Variants in DOCK3 observed in about 807,000 individuals in gnomAD.
The protein encoded by DOCK3 is dedicator of cytokinesis protein 3.
Under a neutral mutation model 265.6 loss-of-function variants are expected in DOCK3, and 60 were observed. That is an observed-to-expected ratio of 0.23 (90% CI 0.18 to 0.28). DOCK3 has a LOEUF of 0.28. Among genes scored for constraint, DOCK3 ranks in the 10% least tolerant of loss-of-function variants. The pLI, the probability that DOCK3 is intolerant of heterozygous loss-of-function variation, is 1.00. For synonymous variants in DOCK3, 881 were observed against 938.0 expected, an observed-to-expected ratio of 0.94 and a Z score of 1.11; for missense variants, 1,981 against 2,594.3, an observed-to-expected ratio of 0.76 and a Z score of 5.14.
chr3:51,322,189 CTTTTGTTTTTGT>C (rs762396054), intron 32 of DOCK3, among the ~76,000 whole-genome samples: 2 of 151,958 alleles, frequency 1.3e-5, no homozygotes, highest in Non-Finnish European at 2.9e-5. Context: ...ATTCAACATT[CTTTTGTTTTTGT>C]TTTTGTTTTT....
At chr3:51,287,611 T>A (rs2081479303) in intron 27 of DOCK3, among the ~76,000 whole-genome samples, 1 of 151,990 alleles carries the variant, frequency 6.6e-6, no homozygotes, top group Non-Finnish European at 1.5e-5. Flanking sequence ...AAAATTAAAA[T>A]TAAAAAATTA....
At chr3:50,684,501 C>A (rs985634238) in intron 1 of DOCK3, among the ~76,000 whole-genome samples, 5 of 152,148 alleles carry the variant, frequency 3.3e-5, no homozygotes, top group Non-Finnish European at 7.4e-5. Flanking sequence ...CTTTCTTGAG[C>A]CTGTTAGAGA....
chr3:51,338,852 C>A, intron 36 of DOCK3, 83 bp from the exon 37 acceptor site: 1 of 1,207,666 alleles, frequency 8.3e-7, no homozygotes, highest in Non-Finnish European at 1.2e-6. Context: ...CTGCCCAGCA[C>A]ACCCACGGCT....
chr3:51,277,466 G>C, intron 25 of DOCK3, 142 bp from the exon 26 acceptor site: 1 of 1,130,872 alleles, frequency 8.8e-7, no homozygotes, highest in Non-Finnish European at 1.2e-6. Context: ...TGGGTGCCTT[G>C]ACACTGCATG....
At chr3:51,181,528 A>G (rs1269863852) in intron 12 of DOCK3, among the ~76,000 whole-genome samples, 1 of 152,116 alleles carries the variant, frequency 6.6e-6, no homozygotes, top group African/African-American at 2.4e-5. Flanking sequence ...TGAAATTTTT[A>G]TAAATAAAAA....
intron 2 of DOCK3, among the ~76,000 whole-genome samples, chr3:50,836,002 A>G (rs1300412212): frequency 1.3e-5 from 2 of 152,290 alleles, no homozygotes; most frequent in African/African-American, 4.8e-5. Flanking sequence ...CTAAAAATAT[A>G]TTTCCTACCA....
intron 19 of DOCK3, among the ~76,000 whole-genome samples, chr3:51,229,992 CCTGA>C (rs1327333578): frequency 6.6e-6 from 1 of 152,158 alleles, no homozygotes; most frequent in Non-Finnish European, 1.5e-5. Context: ...TCTTTCTGTG[CCTGA>C]CTTATTTCAC....
At chr3:51,179,632 A>G (rs2087163875) in intron 12 of DOCK3, among the ~76,000 whole-genome samples, 1 of 152,206 alleles carries the variant, frequency 6.6e-6, no homozygotes, top group South Asian at 2.1e-4. Flanking sequence ...AGTGTGGATA[A>G]AAGTGCCACC....
intron 5 of DOCK3, among the ~76,000 whole-genome samples, chr3:51,009,673 T>G (rs900328355): frequency 8.5e-5 from 13 of 152,210 alleles, no homozygotes; most frequent in African/African-American, 2.9e-4. Flanking sequence ...TTGAATGTGT[T>G]TGCTCTTTTT....
Position 51,360,577 on chromosome 3 carries a change from C to T in DOCK3, c.4951C>T (p.Leu1651=), listed in dbSNP as rs371086620. Residue 1651 remains leucine (L), a synonymous_variant, in exon 47 of 53, where the codon CTG becomes TTG. Coordinates refer to ENST00000266037, the MANE Select transcript of DOCK3 (RefSeq NM_004947.5). ...SGTSTPRGNV[L]ASHSPMSPES... ...CACCAGCACCCCACGGGGAAATGTT[C>T]TGGCATCCCATAGCCCCATGAGTCC... 42 of 1,613,644 alleles carry T rather than the reference C, an allele frequency of 2.6e-5. No homozygotes were observed. Among genetic ancestry groups the T allele is most frequent in the Non-Finnish European group, 3.5e-5 (41 of 1,179,810 alleles).
chr3:50,945,731 G>A (rs1037925030), intron 5 of DOCK3, among the ~76,000 whole-genome samples: 2 of 152,036 alleles, frequency 1.3e-5, no homozygotes, highest in African/African-American at 4.8e-5. Flanking sequence ...ATACATTTTT[G>A]CACCTTTATA....
chr3:50,931,459 G>A (rs1165316992), intron 4 of DOCK3, among the ~76,000 whole-genome samples: 2 of 152,268 alleles, frequency 1.3e-5, no homozygotes, highest in African/African-American at 2.4e-5. Flanking sequence ...TATCTCTGCA[G>A]CATTCTTAAG....
rs1222402293 is a variant in DOCK3 at position 51,361,056 on chromosome 3, G to A, written c.5006+424G>A. On this transcript the variant is annotated intron_variant, in intron 47 of 52. Transcript: ENST00000266037. The surrounding 1 kb of genome is among the most constrained non-coding windows in gnomAD (Gnocchi z 4.2). ...AAGGGGATAGGATCAGCTCTGAGTG[G>A]GCCTTGTTCATGCAGGCCTTTGGAC... Among the ~76,000 whole-genome samples the A allele has an allele frequency of 6.6e-6, 1 of 152,114 alleles. No homozygotes were observed. The highest frequency in any genetic ancestry group is 1.9e-4 in the East Asian group (1 of 5,178).
intron 5 of DOCK3, among the ~76,000 whole-genome samples, chr3:50,939,659 A>T (rs2051588265): frequency 1.3e-5 from 2 of 152,176 alleles, no homozygotes. Context: ...TCAGGAAAGT[A>T]TTTTAGAAAA....
intron 11 of DOCK3, 50 bp from the exon 12 acceptor site, chr3:51,160,505 A>G: frequency 6.4e-7 from 1 of 1,554,954 alleles, no homozygotes; most frequent in South Asian, 1.2e-5. Context: ...GTGATACTGG[A>G]GAGGAGCATG....
intron 28 of DOCK3, among the ~76,000 whole-genome samples, chr3:51,310,867 A>G (rs1167610522): frequency 1.3e-5 from 2 of 152,164 alleles, no homozygotes; most frequent in African/African-American, 2.4e-5. Context: ...GTCTCTCTCT[A>G]TTCAGCAGAA....
intron 2 of DOCK3, among the ~76,000 whole-genome samples, chr3:50,810,716 A>G (rs536221102): frequency 2.6e-5 from 4 of 152,324 alleles, no homozygotes; most frequent in African/African-American, 9.6e-5. Context: ...AAAAGAGCCC[A>G]AATAGAATTT....
intron 4 of DOCK3, 128 bp downstream of exon 4, chr3:50,890,209 T>C: frequency 1.6e-6 from 1 of 628,454 alleles, no homozygotes; most frequent in Non-Finnish European, 2.5e-6. Context: ...GTACATGCTT[T>C]ATCATGTAAT....
At chr3:50,758,245 C>G (rs2040311819) in intron 1 of DOCK3, among the ~76,000 whole-genome samples, 1 of 150,796 alleles carries the variant, frequency 6.6e-6, no homozygotes, top group East Asian at 1.9e-4. Flanking sequence ...GGTTATCCCC[C>G]CCGCCCCAGA....
Sources: allele counts gnomAD v4.1 joint callset (sites outside exome capture counted in the v4.1 genomes callset), GRCh38; gene constraint gnomAD v4.1.1; non-coding constraint Gnocchi (gnomAD v3.1); transcripts MANE v1.5; gene names NCBI Gene and HGNC (gene_info 2026-07-23, HGNC 2026-07-21).